The following U2SURP variants were observed in gnomAD, a reference collection of about 807,000 sequenced individuals.
U2SURP encodes the protein U2 snRNP associated SURP domain containing.
A neutral mutation model predicts 144.9 loss-of-function variants in U2SURP; 9 were observed. The ratio of observed to expected loss-of-function variants is 0.06; its 90% CI spans 0.04 to 0.11. The LOEUF is 0.11. Among genes scored for constraint, U2SURP ranks in the 10% least tolerant of loss-of-function variants. The pLI is 1.00. For synonymous variants in U2SURP, 408 were observed against 396.8 expected (o/e 1.03, Z -0.33); for missense variants, 724 against 1,226.7 (o/e 0.59, Z 6.12).
intron 1 of U2SURP, among the ~76,000 whole-genome samples, chr3:143,009,615 A>G (rs767157448): frequency 1.3e-5 from 2 of 151,768 alleles, no homozygotes; most frequent in African/African-American, 2.4e-5. Flanking sequence ...AAAAAAAATG[A>G]AAGAAAGAAT....
intron 1 of U2SURP, among the ~76,000 whole-genome samples, chr3:143,003,472 C>T (rs1283358852): frequency 6.6e-6 from 1 of 152,052 alleles, no homozygotes; most frequent in Non-Finnish European, 1.5e-5. Flanking sequence ...TCTTTTTTTA[C>T]ATGGTTGATA....
intron 23 of U2SURP, 55 bp from the exon 24 acceptor site, chr3:143,043,062 A>G: frequency 2.0e-6 from 3 of 1,470,086 alleles, no homozygotes; most frequent in Non-Finnish European, 2.7e-6. Flanking sequence ...TAGACTGTAA[A>G]ATATGGTACT....
In U2SURP at chr3:143,056,512, T is replaced by C; in HGVS notation, c.*62T>C. On this transcript the variant is annotated 3_prime_UTR_variant, in exon 28 of 28. Transcript: ENST00000473835. Reference sequence around the variant, plus strand: ...CGATTTGTTTTGTGCCTGAACGGTCTGTTTTTTAAAAAAACAAAAAATCAA... The same window carrying C: ...CGATTTGTTTTGTGCCTGAACGGTCCGTTTTTTAAAAAAACAAAAAATCAA... 1 of 1,566,690 alleles carries C rather than the reference T, an allele frequency of 6.4e-7. No homozygotes were observed. Among genetic ancestry groups the C allele is most frequent in the East Asian group, 2.3e-5 (1 of 44,390 alleles).
intron 19 of U2SURP, among the ~76,000 whole-genome samples, chr3:143,035,327 AT>A (rs1292469748): frequency 6.6e-6 from 1 of 152,114 alleles, no homozygotes; most frequent in African/African-American, 2.4e-5. Context: ...TCTGTTACCA[AT>A]TTTTTTATAA....
At chr3:143,017,927 A>G (rs1456930040) in intron 6 of U2SURP, among the ~76,000 whole-genome samples, 24 of 151,430 alleles carry the variant, frequency 1.6e-4, no homozygotes. Context: ...TTATCCTTTT[A>G]AAGTATACAG....
At chr3:143,013,173 C>T (rs1470194358) in intron 3 of U2SURP, among the ~76,000 whole-genome samples, 1 of 151,892 alleles carries the variant, frequency 6.6e-6, no homozygotes, top group Admixed American at 6.6e-5. Context: ...GAATTTAGCT[C>T]TTAGGGTATA....
Position 143,034,980 on chromosome 3 carries a change from GT to G in U2SURP, c.1941+8del, listed in dbSNP as rs1411225051. On this transcript the variant is annotated splice_donor_region_variant and intron_variant, in intron 19 of 27. Transcript: ENST00000473835. Reference sequence around the variant, plus strand: ...TTACAATCTGAAAACTTTAAGGTACGTTTATTGTTTTACTATTTTTGCCCTA... The same window carrying G: ...TTACAATCTGAAAACTTTAAGGTACGTTATTGTTTTACTATTTTTGCCCTA... The G allele has an allele frequency of 1.7e-6, 2 of 1,209,360 alleles. No individual in the cohort carries two copies. The highest frequency in any genetic ancestry group is 2.9e-5 in the South Asian group (2 of 68,104). The allele number at this position is 1,209,360 out of a possible 1,614,324, so 74.9% of individuals were successfully genotyped here.
chr3:143,022,803 T>C (rs916767938), intron 11 of U2SURP, 50 bp from the exon 12 acceptor site: 1 of 1,477,756 alleles, frequency 6.8e-7, no homozygotes, highest in African/African-American at 1.4e-5. Context: ...AAAATTTTGT[T>C]TGGAAACTTT....
intron 1 of U2SURP, among the ~76,000 whole-genome samples, chr3:143,006,140 T>TA (rs1204061333): frequency 1.3e-5 from 2 of 152,250 alleles, no homozygotes; most frequent in South Asian, 2.1e-4. Flanking sequence ...AGAGTGTACT[T>TA]ACAACTTTTC....
intron 19 of U2SURP, 58 bp from the exon 20 acceptor site, chr3:143,035,924 G>A: frequency 6.7e-7 from 1 of 1,500,566 alleles, no homozygotes; most frequent in Non-Finnish European, 8.9e-7. Context: ...CTCATGAACT[G>A]AAATTTGAGA....
chr3:143,005,251 AACTGTTTTGATTG>A (rs1935778646), intron 1 of U2SURP, among the ~76,000 whole-genome samples: 1 of 151,144 alleles, frequency 6.6e-6, no homozygotes, highest in Non-Finnish European at 1.5e-5. Context: ...TTGCTTTGGG[AACTGTTTTGATTG>A]ACTGCCTTTG....
chr3:143,012,384 G>A (rs2108273331), intron 3 of U2SURP, 31 bp downstream of exon 3: 1 of 1,561,910 alleles, frequency 6.4e-7, no homozygotes. Context: ...GTAAAGATAA[G>A]AAAGGATAGT....
intron 23 of U2SURP, among the ~76,000 whole-genome samples, chr3:143,040,917 G>C (rs1934068085): frequency 6.6e-6 from 1 of 151,790 alleles, no homozygotes; most frequent in Admixed American, 6.6e-5. Flanking sequence ...TAATATTACT[G>C]TACATGCTAT....
chr3:143,052,950 G>GT (rs11436960), intron 25 of U2SURP, among the ~76,000 whole-genome samples: 2,227 of 132,910 alleles, frequency 0.017, 75 homozygotes, highest in East Asian at 0.078. Context: ...AAATGTGTTG[G>GT]TTTTTTTTTT....
At chr3:143,023,838 C>A in intron 12 of U2SURP, 137 bp from the exon 13 acceptor site, 1 of 733,098 alleles carries the variant, frequency 1.4e-6, no homozygotes, top group Non-Finnish European at 2.4e-6. Flanking sequence ...TGTATAATGA[C>A]TTCAAATGCA....
At chr3:143,040,125 TATTTA>T (rs1934029407) in intron 23 of U2SURP, among the ~76,000 whole-genome samples, 1 of 151,806 alleles carries the variant, frequency 6.6e-6, no homozygotes, top group South Asian at 2.1e-4. Context: ...ATAAAATAAT[TATTTA>T]ATTTAGGGGG....
At chr3:143,009,587 G>T (rs1241206612) in intron 1 of U2SURP, among the ~76,000 whole-genome samples, 3 of 151,390 alleles carry the variant, frequency 2.0e-5, no homozygotes, top group Non-Finnish European at 2.9e-5. Flanking sequence ...GACAGAGTAA[G>T]ACTCTGTCTC....
chr3:143,019,205 T>C (rs550902337), intron 6 of U2SURP, among the ~76,000 whole-genome samples: 47 of 152,308 alleles, frequency 3.1e-4, no homozygotes, highest in Non-Finnish European at 5.9e-4. Context: ...AGCTATATGA[T>C]TTGGAAATGT....
At chr3:143,023,134 C>A in intron 12 of U2SURP, 70 bp downstream of exon 12, 1 of 1,323,114 alleles carries the variant, frequency 7.6e-7, no homozygotes, top group South Asian at 1.5e-5. Flanking sequence ...TATTTCTTTT[C>A]AACAATTTTA....
Sources: allele counts gnomAD v4.1 joint callset (sites outside exome capture counted in the v4.1 genomes callset), GRCh38; gene constraint gnomAD v4.1.1; transcripts MANE v1.5; gene names NCBI Gene and HGNC (gene_info 2026-07-23, HGNC 2026-07-21).